The following CACNA1C variants were observed in gnomAD, a reference collection of about 807,000 sequenced individuals.
CACNA1C encodes calcium voltage-gated channel subunit alpha1 C, also known as voltage-dependent L-type calcium channel subunit alpha-1C.
CACNA1C carries 30 observed loss-of-function variants against 229.0 expected under a neutral mutation model. The ratio of observed to expected loss-of-function variants is 0.13; its 90% CI spans 0.10 to 0.18. The LOEUF (loss-of-function observed/expected upper bound fraction) is 0.18. Ranked by LOEUF, CACNA1C falls within the 10% of genes least tolerant of loss-of-function variation. CACNA1C has a pLI of 1.00. For missense variants in CACNA1C, 1,658 were observed against 2,845.0 expected (o/e 0.58, Z 9.49); for synonymous variants, 1,114 against 1,132.5 (o/e 0.98, Z 0.33).
intron 4 of CACNA1C, among the ~76,000 whole-genome samples, chr12:2,453,867 A>G (rs1346346140): frequency 6.6e-6 from 1 of 152,128 alleles, no homozygotes; most frequent in Non-Finnish European, 1.5e-5. Flanking sequence ...CTGAATTCCA[A>G]CAAAACTTTG....
intron 3 of CACNA1C, among the ~76,000 whole-genome samples, chr12:2,315,303 G>A (rs763429373): frequency 2.6e-5 from 4 of 152,220 alleles, no homozygotes; most frequent in Admixed American, 6.5e-5. Flanking sequence ...ATCTGCAACC[G>A]TCTGCTTTCC....
chr12:2,674,200 G>T (rs934718122), intron 38 of CACNA1C, among the ~76,000 whole-genome samples: 1 of 152,252 alleles, frequency 6.6e-6, no homozygotes, highest in Non-Finnish European at 1.5e-5. Context: ...GGCCGCCATT[G>T]TTCCTGCCCA....
At chr12:2,289,154 G>C (rs2093143815) in intron 3 of CACNA1C, among the ~76,000 whole-genome samples, 1 of 152,198 alleles carries the variant, frequency 6.6e-6, no homozygotes. Flanking sequence ...AAAATGCTGG[G>C]TCTTCTCTCC....
intron 3 of CACNA1C, among the ~76,000 whole-genome samples, chr12:2,402,924 C>G (rs558738247): frequency 9.9e-5 from 15 of 152,272 alleles, no homozygotes; most frequent in African/African-American, 3.6e-4. Flanking sequence ...TTTTTCCTAC[C>G]TATTTGACCC....
At chr12:2,481,154 C>A (rs4765943) in intron 5 of CACNA1C, among the ~76,000 whole-genome samples, 94,555 of 151,992 alleles carry the variant, frequency 0.62, 30,388 homozygotes, top group East Asian at 0.88. Context: ...GAGCAGAACA[C>A]TTCATCCCAA....
chr12:2,366,709 T>G (rs1418673135), intron 3 of CACNA1C, among the ~76,000 whole-genome samples: 3 of 152,192 alleles, frequency 2.0e-5, no homozygotes, highest in African/African-American at 7.2e-5. Flanking sequence ...TAGTCTGTTC[T>G]CACACTGTTA....
chr12:2,176,592 T>G (rs1298889174), intron 3 of CACNA1C, among the ~76,000 whole-genome samples: 3 of 134,008 alleles, frequency 2.2e-5, no homozygotes, highest in Non-Finnish European at 5.2e-5. Flanking sequence ...GGGCAGCAAG[T>G]GCTTCACCTG....
In CACNA1C at chr12:2,040,060, C is replaced by T. The variant is rs141281875; in HGVS notation, c.139+68859C>T. On this transcript the variant is annotated intron_variant, in intron 1 of 46. Coordinates refer to the CACNA1C transcript ENST00000682462. ...ATCACCTCTTCATTCAACTTGCTTT[C>T]CCATCCAGGTACTTTTCTACCCAGC... Among the ~76,000 whole-genome samples, 855 of 152,246 alleles carry T rather than the reference C, an allele frequency of 5.6e-3. 12 individuals carry two copies. Among genetic ancestry groups the T allele is most frequent in the South Asian group, 0.034 (165 of 4,812 alleles).
chr12:2,628,844 A>G (rs567956064), intron 29 of CACNA1C, among the ~76,000 whole-genome samples: 1 of 152,208 alleles, frequency 6.6e-6, no homozygotes, highest in East Asian at 1.9e-4. Flanking sequence ...AGCTGGGGCA[A>G]CAGAGAGAGA....
At chr12:2,687,414 C>G (rs2097560692) in intron 45 of CACNA1C, among the ~76,000 whole-genome samples, 1 of 152,200 alleles carries the variant, frequency 6.6e-6, no homozygotes, top group Non-Finnish European at 1.5e-5. Context: ...GAGCACATCC[C>G]ATCAGAGCAG....
intron 3 of CACNA1C, chr12:2,217,893 C>G (rs759342176): frequency 6.6e-6 from 1 of 152,216 alleles, no homozygotes; most frequent in Non-Finnish European, 1.5e-5. Context: ...GGTCCCTGCT[C>G]AGGCCGTCGG....
In CACNA1C at chr12:2,346,668, G is replaced by C. The variant is rs1445008899; in HGVS notation, c.478-102308G>C. ...TGACTGCATCGTCCACCGTGATGAA[G>C]TACAGGCTTTGCCAGGGCTTAGCAG... On this transcript the variant is annotated intron_variant, in intron 3 of 46. Coordinates refer to ENST00000399655, the MANE Select transcript of CACNA1C (RefSeq NM_000719.7). This position sits in a 1 kb window ranked among gnomAD's most constrained non-coding sequence, Gnocchi z 4.4. Among the ~76,000 whole-genome samples, 1 of 152,154 alleles carries C rather than the reference G, an allele frequency of 6.6e-6. No homozygotes were observed. Among genetic ancestry groups the C allele is most frequent in the Non-Finnish European group, 1.5e-5 (1 of 68,030 alleles).
At chr12:2,421,790 A>T (rs2098981654) in intron 3 of CACNA1C, among the ~76,000 whole-genome samples, 1 of 152,158 alleles carries the variant, frequency 6.6e-6, no homozygotes, top group Non-Finnish European at 1.5e-5. Context: ...GTGCACCTGT[A>T]GTCCCAGCTA....
chr12:2,351,440 A>G (rs900243199), intron 3 of CACNA1C, among the ~76,000 whole-genome samples: 1 of 152,154 alleles, frequency 6.6e-6, no homozygotes, highest in Non-Finnish European at 1.5e-5. Flanking sequence ...TAAACAAGGC[A>G]GCGGTCCCCA....
intron 3 of CACNA1C, among the ~76,000 whole-genome samples, chr12:2,394,109 CA>C (rs60498219): frequency 0.13 from 14,592 of 113,236 alleles, 1,110 homozygotes; most frequent in African/African-American, 0.29. Flanking sequence ...TGTCTCTAAA[CA>C]AAAAAAAAAA....
intron 3 of CACNA1C, among the ~76,000 whole-genome samples, chr12:2,418,203 G>A (rs949374350): frequency 6.6e-6 from 1 of 152,120 alleles, no homozygotes; most frequent in South Asian, 2.1e-4. Flanking sequence ...CTGGGCTGCG[G>A]GTGGCCTTTG....
intron 3 of CACNA1C, among the ~76,000 whole-genome samples, chr12:2,149,018 G>C (rs1413773289): frequency 2.0e-5 from 3 of 152,134 alleles, no homozygotes; most frequent in Non-Finnish European, 4.4e-5. Context: ...TGGGTCATCT[G>C]TAAAGACTTG....
At chr12:2,024,849 A>G (rs1345868368) in intron 1 of CACNA1C, among the ~76,000 whole-genome samples, 1 of 152,174 alleles carries the variant, frequency 6.6e-6, no homozygotes, top group South Asian at 2.1e-4. Flanking sequence ...TGTGGCACCA[A>G]TCACCCATCC....
At chr12:2,432,355 G>A (rs1162583440) in intron 3 of CACNA1C, among the ~76,000 whole-genome samples, 2 of 152,168 alleles carry the variant, frequency 1.3e-5, no homozygotes, top group Non-Finnish European at 2.9e-5. Flanking sequence ...TCGCATTGCT[G>A]GTGCCCTGGT....
Sources: gnomAD v4.1 joint callset for allele counts (sites outside exome capture counted in the v4.1 genomes callset) on GRCh38, gnomAD v4.1.1 for gene constraint, Gnocchi (gnomAD v3.1) non-coding constraint, MANE v1.5 for transcripts, NCBI Gene and HGNC (gene_info 2026-07-23, HGNC 2026-07-21) for gene names.